The following FAM13A variants were observed in gnomAD, a reference collection of about 807,000 sequenced individuals.
The protein encoded by FAM13A is family with sequence similarity 13 member A.
In FAM13A, 76 loss-of-function variants were observed where a neutral mutation model predicts 129.6. That is an observed-to-expected ratio of 0.59 (90% CI 0.49 to 0.71). The LOEUF (loss-of-function observed/expected upper bound fraction) is 0.71, where lower values mean the gene tolerates loss of function less well. Among genes scored for constraint, FAM13A ranks in the 30% least tolerant of loss-of-function variants. The pLI is 0.00. For missense variants in FAM13A, 1,108 were observed against 1,249.3 expected, an observed-to-expected ratio of 0.89 and a Z score of 1.70; for synonymous variants, 443 against 449.9, an observed-to-expected ratio of 0.98 and a Z score of 0.20.
In FAM13A at chr4:88,890,651, AT is replaced by A. The variant is rs1459211336; in HGVS notation, c.843+15727del. On this transcript the variant is annotated intron_variant, in intron 6 of 23. Coordinates refer to ENST00000264344, the MANE Select transcript of FAM13A (RefSeq NM_014883.4). ...ACAATAGATGCAGAAAAGAAAGGAA[AT>A]AACAATCAGAGATCAATGAAATAGG... Among the ~76,000 whole-genome samples, 3 of 152,228 alleles carry A rather than the reference AT, an allele frequency of 2.0e-5. No homozygotes were observed. The East Asian group carries it at 5.8e-4, about 29-fold the overall frequency.
intron 13 of FAM13A, among the ~76,000 whole-genome samples, chr4:88,761,359 G>C (rs1312615374): frequency 1.3e-5 from 2 of 152,116 alleles, no homozygotes; most frequent in African/African-American, 4.8e-5. Context: ...AGGGGAATAG[G>C]AGACAAGGCA....
chr4:88,726,008 T>TAACTC lies in FAM13A; in HGVS notation c.*2520_*2524dup. 6.6e-6 allele frequency: 1 copy of TAACTC among 152,352 alleles called. No individual in the cohort carries two copies. The highest frequency in any genetic ancestry group is 1.9e-4 in the East Asian group (1 of 5,192). The allele number at this position is 152,352 out of a possible 1,614,324, so 9.4% of individuals were successfully genotyped here. A position where few individuals can be genotyped will look rare whatever the true frequency, so the allele number is the denominator to read the frequency against. ...CTTAAGTTTACTTACACTTATGAAA[T>TAACTC]AACTCTTGACATTTATTTTGTTGGC... On this transcript the variant is annotated 3_prime_UTR_variant, in exon 24 of 24. Coordinates refer to ENST00000264344, the MANE Select transcript of FAM13A (RefSeq NM_014883.4).
intron 5 of FAM13A, among the ~76,000 whole-genome samples, chr4:88,926,115 G>A (rs1207450463): frequency 1.3e-5 from 2 of 152,054 alleles, no homozygotes; most frequent in African/African-American, 4.8e-5. Context: ...CTTAAATTTA[G>A]GGGAGAGCTC....
chr4:88,750,800 A>G (rs1578485715), intron 14 of FAM13A, among the ~76,000 whole-genome samples, 163 bp from the exon 15 acceptor site: 2 of 152,282 alleles, frequency 1.3e-5, no homozygotes, highest in South Asian at 2.1e-4. Flanking sequence ...CCGCGCCCCA[A>G]CTGAAATCAC....
At chr4:88,884,946 G>T (rs998402098) in intron 6 of FAM13A, among the ~76,000 whole-genome samples, 1 of 152,182 alleles carries the variant, frequency 6.6e-6, no homozygotes, top group Middle Eastern at 3.4e-3. Context: ...TCTAAACAAG[G>T]AGGTGAAAGA....
At chr4:88,897,221 G>T (rs1409511566) in intron 6 of FAM13A, among the ~76,000 whole-genome samples, 2 of 152,228 alleles carry the variant, frequency 1.3e-5, no homozygotes, top group African/African-American at 4.8e-5. Context: ...TCTGTTTGAT[G>T]TTCTCTTCTG....
chr4:88,911,052 C>A (rs544199851), intron 5 of FAM13A, among the ~76,000 whole-genome samples: 1 of 152,320 alleles, frequency 6.6e-6, no homozygotes, highest in Non-Finnish European at 1.5e-5. Flanking sequence ...AGGTTTGGCA[C>A]ATAGTAGGAG....
chr4:88,884,508 A>G (rs1744099818), intron 6 of FAM13A, among the ~76,000 whole-genome samples: 1 of 152,174 alleles, frequency 6.6e-6, no homozygotes, highest in Admixed American at 6.5e-5. Flanking sequence ...CCTTAACGTA[A>G]TAAAACCATC....
At chr4:88,937,212 G>C (rs1753992128) in intron 5 of FAM13A, 1 of 152,158 alleles carries the variant, frequency 6.6e-6, no homozygotes, top group African/African-American at 2.4e-5. Flanking sequence ...TTTCTTCAAA[G>C]TCATGGCCTC....
At chr4:89,045,781 T>C (rs1054040437) in intron 1 of FAM13A, among the ~76,000 whole-genome samples, 1 of 152,096 alleles carries the variant, frequency 6.6e-6, no homozygotes, top group Non-Finnish European at 1.5e-5. Context: ...CCTAGCACTT[T>C]GGGAGGCCAA....
intron 3 of FAM13A, among the ~76,000 whole-genome samples, chr4:88,992,543 T>G (rs925980614): frequency 1.3e-5 from 2 of 152,178 alleles, no homozygotes; most frequent in African/African-American, 4.8e-5. Context: ...CCAGAATAAC[T>G]TTTTCTTTAA....
At chr4:88,786,711 A>T (rs1310196876) in intron 10 of FAM13A, among the ~76,000 whole-genome samples, 2 of 151,006 alleles carry the variant, frequency 1.3e-5, no homozygotes, top group African/African-American at 2.4e-5. Context: ...TAGCTCTTAA[A>T]CATCTCGGTG....
intron 1 of FAM13A, among the ~76,000 whole-genome samples, chr4:89,049,449 T>C (rs76705665): frequency 1.3e-5 from 2 of 152,214 alleles, no homozygotes; most frequent in East Asian, 3.8e-4. Context: ...ACCTGTGACA[T>C]CATTTCTTTA....
At chr4:88,832,951 T>C (rs1328558079) in intron 7 of FAM13A, among the ~76,000 whole-genome samples, 1 of 152,072 alleles carries the variant, frequency 6.6e-6, no homozygotes, top group Non-Finnish European at 1.5e-5. Context: ...ACAGCACTAT[T>C]CACAATAGCA....
intron 4 of FAM13A, among the ~76,000 whole-genome samples, chr4:88,945,990 G>GTGTGTGTGTATATATATATA: frequency 2.2e-3 from 137 of 61,794 alleles, no homozygotes; most frequent in Admixed American, 4.6e-3. Flanking sequence ...GTGTGTGTGT[G>GTGTGTGTGTATATATATATA]TATATATATA....
intron 13 of FAM13A, among the ~76,000 whole-genome samples, chr4:88,766,784 G>A (rs1745778933): frequency 6.6e-6 from 1 of 152,152 alleles, no homozygotes; most frequent in Non-Finnish European, 1.5e-5. Context: ...GAATCATTGG[G>A]TTAGAGGGAA....
At chr4:88,760,182 A>G (rs1386189546) in intron 13 of FAM13A, among the ~76,000 whole-genome samples, 1 of 152,244 alleles carries the variant, frequency 6.6e-6, no homozygotes, top group Non-Finnish European at 1.5e-5. Flanking sequence ...CTTTGAAATC[A>G]TCAGGGAATA....
intron 5 of FAM13A, among the ~76,000 whole-genome samples, chr4:88,917,398 C>T (rs1209724162): frequency 6.6e-6 from 1 of 152,056 alleles, no homozygotes; most frequent in East Asian, 1.9e-4. Flanking sequence ...GACCCAAACA[C>T]CCCCCATTAG....
intron 7 of FAM13A, among the ~76,000 whole-genome samples, chr4:88,831,056 A>G (rs75233875): frequency 5.3e-4 from 81 of 152,298 alleles, no homozygotes; most frequent in Admixed American, 1.8e-3. Flanking sequence ...GTGGTTAAAA[A>G]TAAAATTTTC....
Sources: allele counts gnomAD v4.1 joint callset (sites outside exome capture counted in the v4.1 genomes callset), GRCh38; gene constraint gnomAD v4.1.1; transcripts MANE v1.5; gene names NCBI Gene and HGNC (gene_info 2026-07-23, HGNC 2026-07-21).